Variants in OR1L8 observed in about 807,000 individuals in gnomAD.
OR1L8 encodes olfactory receptor family 1 subfamily L member 8, also known as olfactory receptor 1L8.
For missense variants in OR1L8, 330 were observed against 377.4 expected (o/e 0.87, Z 1.04); for synonymous variants, 148 against 147.0 (o/e 1.01, Z -0.05).
the OR1L8 span, among the ~76,000 whole-genome samples, chr9:122,559,426 A>G: frequency 6.6e-6 from 1 of 152,014 alleles, no homozygotes; most frequent in Non-Finnish European, 1.5e-5. Context: ...TAGAGTGTCA[A>G]TTTTAGATCT....
At chr9:122,547,515 A>G in the OR1L8 span, among the ~76,000 whole-genome samples, 1 of 151,870 alleles carries the variant, frequency 6.6e-6, no homozygotes. Flanking sequence ...GCAATTTCTC[A>G]TCCCTCAGCC....
chr9:122,558,013 C>G, the OR1L8 span, among the ~76,000 whole-genome samples: 1 of 151,622 alleles, frequency 6.6e-6, no homozygotes, highest in African/African-American at 2.4e-5. Flanking sequence ...TCATGGTATT[C>G]CTTTATTATC....
Position 122,567,932 on chromosome 9 carries a change from G to A in OR1L8, c.546C>T (p.Leu182=), listed in dbSNP as rs1829463425. Residue 182 remains leucine, a synonymous_variant, in exon 5 of 5, where the codon CTC becomes CTT. Transcript: ENST00000641027. Reference sequence around the variant, plus strand: ...AGCAGGACAATTTCAGCACAGGGCTGAGGTCACAGAGAAAGTGGTGGATAA... The same window carrying A: ...AGCAGGACAATTTCAGCACAGGGCTAAGGTCACAGAGAAAGTGGTGGATAA... ...SNVIHHFLCD[L]SPVLKLSCSS... The A allele has an allele frequency of 1.2e-6, 2 of 1,614,200 alleles. No individual in the cohort carries two copies. The highest frequency in any genetic ancestry group is 4.5e-5 in the East Asian group (2 of 44,880).
chr9:122,565,691 A>C (rs1829418075), downstream of OR1L8, among the ~76,000 whole-genome samples: 1 of 152,252 alleles, frequency 6.6e-6, no homozygotes, highest in Non-Finnish European at 1.5e-5. Flanking sequence ...ATAATACCTG[A>C]CAGGTAGTTT....
the OR1L8 span, among the ~76,000 whole-genome samples, chr9:122,560,086 C>T: frequency 6.6e-6 from 1 of 151,984 alleles, no homozygotes; most frequent in African/African-American, 2.4e-5. Flanking sequence ...TATATAATGC[C>T]CTTGTTTGTC....
chr9:122,561,120 G>A, the OR1L8 span, among the ~76,000 whole-genome samples: 46,789 of 151,962 alleles, frequency 0.31, 8,069 homozygotes, highest in East Asian at 0.81. Context: ...GATCGATTTA[G>A]CTATTGATAC....
chr9:122,579,596 A>G (rs936165732), intron 1 of OR1L8, among the ~76,000 whole-genome samples: 1 of 152,170 alleles, frequency 6.6e-6, no homozygotes, highest in African/African-American at 2.4e-5. Flanking sequence ...TCAAAAAGAG[A>G]ATTCTTCCTT....
the OR1L8 span, among the ~76,000 whole-genome samples, chr9:122,550,767 T>G: frequency 1.3e-5 from 2 of 152,000 alleles, no homozygotes; most frequent in Non-Finnish European, 2.9e-5. Flanking sequence ...ATAAAAGCCA[T>G]ATGTGACAAA....
the OR1L8 span, chr9:122,553,414 A>G: frequency 5.6e-6 from 9 of 1,613,980 alleles, no homozygotes; most frequent in Non-Finnish European, 7.6e-6. Flanking sequence ...TTTCTGGCCA[A>G]CCTGTCATTA....
Position 122,568,532 on chromosome 9 carries a change from C to T in OR1L8, c.-55G>A, listed in dbSNP as rs1208847471. The T allele has an allele frequency of 5.0e-6, 5 of 1,006,562 alleles. No individual in the cohort carries two copies. The highest frequency in any genetic ancestry group is 7.4e-6 in the Non-Finnish European group (5 of 671,906). 62.4% of individuals were successfully genotyped at this position (1,006,562 alleles called of 1,614,324 possible). A position where few individuals can be genotyped will look rare whatever the true frequency, so the allele number is the denominator to read the frequency against. Reference sequence around the variant, plus strand: ...TTTGTCATTTAACATGCTCTGATTTCATAACACCAATCATGAGAACCTAGC... The same window carrying T: ...TTTGTCATTTAACATGCTCTGATTTTATAACACCAATCATGAGAACCTAGC... On this transcript the variant is annotated 5_prime_UTR_variant, in exon 5 of 5. The change abolishes an upstream ATG in the 5' untranslated region. Transcript: ENST00000641027.
At chr9:122,562,361 A>C (rs574128272), downstream of OR1L8, among the ~76,000 whole-genome samples, 9 of 152,348 alleles carry the variant, frequency 5.9e-5, no homozygotes, top group South Asian at 1.7e-3. Flanking sequence ...AACTCCTCCC[A>C]GGAAGTCAGC....
At chr9:122,555,661 T>G in the OR1L8 span, among the ~76,000 whole-genome samples, 1 of 152,200 alleles carries the variant, frequency 6.6e-6, no homozygotes, top group Non-Finnish European at 1.5e-5. Context: ...GTAGCAAGTT[T>G]GAAATTTGTA....
At chr9:122,553,070 T>C in the OR1L8 span, 3 of 816,412 alleles carry the variant, frequency 3.7e-6, no homozygotes, top group South Asian at 3.6e-5. Flanking sequence ...GAGATTCTTA[T>C]TGGCAAAGAC....
chr9:122,581,912 A>AAAAT lies in OR1L8; in HGVS notation c.-600+1405_-600+1408dup, dbSNP rs544952192. On this transcript the variant is annotated intron_variant, in intron 1 of 4. Coordinates refer to ENST00000641027, the MANE Select transcript of OR1L8 (RefSeq NM_001004454.2). ...GGGCGATACAGTGAGACTCCATCTCAAAATAAATAAATAAATAAATGAATA... is the reference window on the plus strand; with the variant it reads ...GGGCGATACAGTGAGACTCCATCTCAAAATAAATAAATAAATAAATAAATGAATA... Among the ~76,000 whole-genome samples, 1,397 of 152,184 alleles carry AAAAT rather than the reference A, an allele frequency of 9.2e-3. 22 individuals are homozygous for AAAAT. Among genetic ancestry groups the AAAAT allele is most frequent in the African/African-American group, 0.031 (1,287 of 41,480 alleles).
At chr9:122,560,355 A>T in the OR1L8 span, among the ~76,000 whole-genome samples, 2 of 152,122 alleles carry the variant, frequency 1.3e-5, no homozygotes, top group African/African-American at 4.8e-5. Flanking sequence ...CTATGTGTGA[A>T]TTTGATCCTG....
At chr9:122,569,086 A>G (rs1417961981) in intron 4 of OR1L8, among the ~76,000 whole-genome samples, 1 of 152,152 alleles carries the variant, frequency 6.6e-6, no homozygotes, top group East Asian at 1.9e-4. Flanking sequence ...CAAAACAGCC[A>G]ACAGGGCAAA....
the OR1L8 span, among the ~76,000 whole-genome samples, chr9:122,557,083 C>G: frequency 6.6e-6 from 1 of 152,104 alleles, no homozygotes; most frequent in Non-Finnish European, 1.5e-5. Context: ...TATATTAACC[C>G]TGTATCCCGA....
chr9:122,568,355 T>C lies in OR1L8; in HGVS notation c.123A>G (p.Thr41=), dbSNP rs1203699350. The change falls in exon 5 of 5, where the codon ACA becomes ACG. Residue 41 remains threonine, a synonymous_variant. Transcript: ENST00000641027. ...TGGCCAGGATGATGAGCAGGTTCCC[T>C]GTTATGGTGACCAGGTACACGATGA... ...LFLIVYLVTI[T]GNLLIILAIR... is the part of the protein sequence containing the mutation. 6.2e-7 allele frequency: 1 copy of C among 1,613,964 alleles called. No individual in the cohort carries two copies. Among genetic ancestry groups the C allele is most frequent in the African/African-American group, 1.3e-5 (1 of 74,922 alleles).
the OR1L8 span, among the ~76,000 whole-genome samples, chr9:122,552,461 CA>C: frequency 6.6e-6 from 1 of 151,662 alleles, no homozygotes; most frequent in Non-Finnish European, 1.5e-5. Context: ...TGCATAGCAG[CA>C]AAAAAGGGAA....
Sources: gnomAD v4.1 joint callset for allele counts (sites outside exome capture counted in the v4.1 genomes callset) on GRCh38, gnomAD v4.1.1 for gene constraint, MANE v1.5 for transcripts, NCBI Gene and HGNC (gene_info 2026-07-23, HGNC 2026-07-21) for gene names.